Variants in PAK2 observed in about 807,000 individuals in gnomAD.
PAK2 encodes the protein serine/threonine-protein kinase PAK 2.
A neutral mutation model predicts 65.9 loss-of-function variants in PAK2; 21 were observed. The ratio of observed to expected loss-of-function variants is 0.32; its 90% CI spans 0.23 to 0.46. PAK2 has a LOEUF of 0.46. PAK2 is among the 20% of genes least tolerant of loss of function. PAK2 has a pLI of 1.00. For missense variants in PAK2, 324 were observed against 642.6 expected, an observed-to-expected ratio of 0.50 and a Z score of 5.36; for synonymous variants, 204 against 219.7, an observed-to-expected ratio of 0.93 and a Z score of 0.63.
chr3:196,823,097 T>C lies in PAK2; in HGVS notation c.1350+2530T>C, dbSNP rs141500832. 7.6e-3 allele frequency among the ~76,000 whole-genome samples: 1,156 copies of C among 152,158 alleles called. 4 individuals carry two copies. The highest frequency in any genetic ancestry group is 0.014 in the Middle Eastern group (4 of 294). On this transcript the variant is annotated intron_variant, in intron 13 of 14. Transcript: ENST00000327134. ...TTTTAATAGGATTTCCCTGGCTGCGTTGTTGAGAGATCCCTGAGGAAGGCA... is the reference window on the plus strand; with the variant it reads ...TTTTAATAGGATTTCCCTGGCTGCGCTGTTGAGAGATCCCTGAGGAAGGCA...
intron 1 of PAK2, among the ~76,000 whole-genome samples, chr3:196,750,564 G>T (rs1713540013): frequency 6.6e-6 from 1 of 151,738 alleles, no homozygotes; most frequent in Admixed American, 6.6e-5. Flanking sequence ...CTTATATTTT[G>T]CTTGTCTTAA....
At chr3:196,785,552 C>G (rs1714859382) in intron 2 of PAK2, among the ~76,000 whole-genome samples, 1 of 152,164 alleles carries the variant, frequency 6.6e-6, no homozygotes, top group African/African-American at 2.4e-5. Flanking sequence ...ACTCAAAAAA[C>G]TGAGCATCTT....
intron 1 of PAK2, among the ~76,000 whole-genome samples, chr3:196,757,742 T>C (rs774321253): frequency 3.9e-5 from 6 of 152,162 alleles, no homozygotes; most frequent in South Asian, 2.1e-4. Context: ...GTGGTACTTA[T>C]GTTCCTGTTG....
intron 11 of PAK2, among the ~76,000 whole-genome samples, chr3:196,815,447 G>A (rs1382512522): frequency 7.0e-6 from 1 of 143,244 alleles, no homozygotes; most frequent in African/African-American, 2.6e-5. Flanking sequence ...AGCCAAAATT[G>A]CGCCACCGCA....
intron 11 of PAK2, 97 bp from the exon 12 acceptor site, chr3:196,817,960 G>C: frequency 1.9e-6 from 1 of 529,212 alleles, no homozygotes; most frequent in Non-Finnish European, 3.5e-6. Context: ...GTCTTCTGCT[G>C]GGCACTGGAA....
intron 1 of PAK2, chr3:196,747,442 C>G (rs1355038064): frequency 6.6e-6 from 1 of 152,154 alleles, no homozygotes; most frequent in Non-Finnish European, 1.5e-5. Context: ...TCAGTATTTT[C>G]CAAATAGCTG....
At chr3:196,757,320 G>A (rs537539109) in intron 1 of PAK2, among the ~76,000 whole-genome samples, 7 of 152,268 alleles carry the variant, frequency 4.6e-5, no homozygotes, top group South Asian at 4.1e-4. Flanking sequence ...GTGAAACTAC[G>A]CTGAAGTTAA....
intron 1 of PAK2, among the ~76,000 whole-genome samples, chr3:196,749,855 T>C (rs1713511614): frequency 6.6e-6 from 1 of 152,046 alleles, no homozygotes; most frequent in African/African-American, 2.4e-5. Flanking sequence ...AGAGTCTTGC[T>C]CTGTTGCCTG....
At chr3:196,750,289 C>CTA (rs1388143842) in intron 1 of PAK2, among the ~76,000 whole-genome samples, 2 of 152,104 alleles carry the variant, frequency 1.3e-5, no homozygotes, top group Non-Finnish European at 2.9e-5. Context: ...CGTGCCTGGC[C>CTA]TATACCTGGC....
At chr3:196,750,388 G>C (rs369411116) in intron 1 of PAK2, among the ~76,000 whole-genome samples, 4 of 152,070 alleles carry the variant, frequency 2.6e-5, no homozygotes, top group African/African-American at 9.7e-5. Flanking sequence ...TTCTAAGTCT[G>C]TGGTTTAAGT....
intron 1 of PAK2, among the ~76,000 whole-genome samples, chr3:196,759,518 T>G (rs151295662): frequency 0.45 from 52,757 of 117,286 alleles, 10,812 homozygotes; most frequent in Non-Finnish European, 0.49. Flanking sequence ...TTTTTTTTTT[T>G]TTTTTTTTTT....
intron 1 of PAK2, among the ~76,000 whole-genome samples, chr3:196,761,841 C>G (rs1713981529): frequency 6.7e-6 from 1 of 149,030 alleles, no homozygotes; most frequent in Admixed American, 6.8e-5. Context: ...GGCTGACCCC[C>G]CCCCACCTCC....
At chr3:196,782,143 A>C (rs1320118653) in intron 1 of PAK2, among the ~76,000 whole-genome samples, 1 of 152,042 alleles carries the variant, frequency 6.6e-6, no homozygotes, top group Non-Finnish European at 1.5e-5. Flanking sequence ...GTTACTGTGA[A>C]GGCTAAGTTG....
intron 11 of PAK2, among the ~76,000 whole-genome samples, chr3:196,815,211 C>T (rs1007233273): frequency 6.6e-5 from 10 of 151,282 alleles, no homozygotes; most frequent in East Asian, 2.0e-4. Flanking sequence ...CACCACTTAG[C>T]TGGAAGTGGT....
At chr3:196,766,708 T>G (rs1367762719) in intron 1 of PAK2, among the ~76,000 whole-genome samples, 3 of 152,100 alleles carry the variant, frequency 2.0e-5, no homozygotes, top group African/African-American at 7.2e-5. Flanking sequence ...CCAAAGTAAC[T>G]ATTTTTTAAA....
chr3:196,825,038 T>G (rs1711788482), intron 13 of PAK2, among the ~76,000 whole-genome samples: 1 of 152,116 alleles, frequency 6.6e-6, no homozygotes, highest in Admixed American at 6.6e-5. Flanking sequence ...TTCTAAAAAA[T>G]TAGTCAGTTA....
intron 1 of PAK2, among the ~76,000 whole-genome samples, chr3:196,781,981 C>G (rs555056296): frequency 5.3e-4 from 81 of 152,268 alleles, no homozygotes; most frequent in Non-Finnish European, 8.4e-4. Flanking sequence ...TGGCATGCGG[C>G]TGTAATTCCA....
At position 196,791,822 on chromosome 3, in the gene PAK2, G is replaced by A. The variant is rs1341610253; in HGVS notation, c.187+8989G>A. 6.6e-6 allele frequency among the ~76,000 whole-genome samples: 1 copy of A among 152,108 alleles called. No homozygotes were observed. The highest frequency in any genetic ancestry group is 1.5e-5 in the Non-Finnish European group (1 of 68,028). ...CCCTGTAGTCCCAGCTACTCGGGAG[G>A]CTGAGGCAGGAGAATGGCGGGAACC... On this transcript the variant is annotated intron_variant, in intron 2 of 14. Coordinates refer to ENST00000327134, the MANE Select transcript of PAK2 (RefSeq NM_002577.4). The surrounding 1 kb of genome is among the most constrained non-coding windows in gnomAD (Gnocchi z 4.0).
chr3:196,810,934 G>A (rs1715762527), intron 8 of PAK2, among the ~76,000 whole-genome samples: 3 of 152,030 alleles, frequency 2.0e-5, no homozygotes, highest in South Asian at 4.1e-4. Context: ...ATATTTAAAA[G>A]ACAATAAGAA....
Sources: gnomAD v4.1 joint callset for allele counts (sites outside exome capture counted in the v4.1 genomes callset) on GRCh38, gnomAD v4.1.1 for gene constraint, Gnocchi (gnomAD v3.1) non-coding constraint, MANE v1.5 for transcripts, NCBI Gene and HGNC (gene_info 2026-07-23, HGNC 2026-07-21) for gene names.